OTOGL: variants seen among roughly 807,000 people sequenced by gnomAD.
OTOGL encodes otogelin-like protein.
Under a neutral mutation model 318.5 loss-of-function variants are expected in OTOGL, and 285 were observed. That is an observed-to-expected ratio of 0.89 (90% CI 0.81 to 0.99). The LOEUF (loss-of-function observed/expected upper bound fraction) is 0.99, where lower values mean the gene tolerates loss of function less well. Among genes scored for constraint, OTOGL ranks in the 50% least tolerant of loss-of-function variants. The pLI, the probability that OTOGL is intolerant of heterozygous loss-of-function variation, is 0.00. For missense variants in OTOGL, 2,899 were observed against 2,845.6 expected (o/e 1.02, Z -0.43); for synonymous variants, 987 against 936.5 (o/e 1.05, Z -0.99).
At chr12:80,229,175 G>T in intron 7 of OTOGL, 82 bp from the exon 8 acceptor site, 1 of 1,452,262 alleles carries the variant, frequency 6.9e-7, no homozygotes, top group South Asian at 1.2e-5. Flanking sequence ...GAAACTATAT[G>T]ATTGTAAACA....
chr12:80,161,455 TTAAAC>T (rs1252652865), intron 1 of OTOGL, among the ~76,000 whole-genome samples: 7 of 152,074 alleles, frequency 4.6e-5, no homozygotes, highest in South Asian at 2.1e-4. Context: ...TAAAAGAACA[TTAAAC>T]TAAGTAGGCT....
chr12:80,163,594 T>G (rs73148400), intron 1 of OTOGL, among the ~76,000 whole-genome samples: 10,597 of 152,154 alleles, frequency 0.07, 427 homozygotes, highest in East Asian at 0.19. Flanking sequence ...GCAGGTCAAT[T>G]AAGGATTGGC....
At chr12:80,214,800 A>G (rs1877559742) in intron 4 of OTOGL, among the ~76,000 whole-genome samples, 1 of 152,174 alleles carries the variant, frequency 6.6e-6, no homozygotes, top group Non-Finnish European at 1.5e-5. Flanking sequence ...GGTTCATTGA[A>G]TCCAAGACAA....
chr12:80,260,205 T>A (rs777909042), intron 18 of OTOGL, among the ~76,000 whole-genome samples: 6 of 152,112 alleles, frequency 3.9e-5, no homozygotes, highest in Non-Finnish European at 7.4e-5. Flanking sequence ...ATTTAAAAAA[T>A]TTTAATTTCT....
intron 26 of OTOGL, among the ~76,000 whole-genome samples, chr12:80,280,264 A>G (rs1884127219): frequency 6.6e-6 from 1 of 150,946 alleles, no homozygotes; most frequent in Admixed American, 6.6e-5. Flanking sequence ...TATTTTGTGG[A>G]CATTTCTTTG....
intron 11 of OTOGL, among the ~76,000 whole-genome samples, chr12:80,244,106 G>A (rs1247097713): frequency 3.3e-5 from 5 of 150,980 alleles, no homozygotes; most frequent in Non-Finnish European, 1.5e-5. Flanking sequence ...ATGCTAGTCT[G>A]TGCCACTAAT....
Position 80,330,720 on chromosome 12 carries a change from C to G in OTOGL, c.4348+1601C>G, listed in dbSNP as rs1414148248. On this transcript the variant is annotated intron_variant, in intron 37 of 58. Transcript: ENST00000547103. The stretch of plus-strand genomic sequence containing the variant: ...TATTTCTATTTGCAGATGTCATGAT[C>G]TTAGGTTATTCTAAGGGATCTACTG... Among the ~76,000 whole-genome samples, 4 of 152,126 alleles carry G rather than the reference C, an allele frequency of 2.6e-5. No homozygotes were observed. The East Asian group carries it at 7.7e-4, about 29-fold the overall frequency.
intron 52 of OTOGL, among the ~76,000 whole-genome samples, chr12:80,361,496 C>G (rs1037444889): frequency 6.6e-6 from 1 of 152,186 alleles, no homozygotes; most frequent in Non-Finnish European, 1.5e-5. Flanking sequence ...TGGATATATA[C>G]CCAGTAGTGG....
intron 24 of OTOGL, among the ~76,000 whole-genome samples, chr12:80,272,367 T>C (rs1456980106): frequency 6.6e-6 from 1 of 151,540 alleles, no homozygotes; most frequent in Non-Finnish European, 1.5e-5. Context: ...TGTGTGTGTG[T>C]GTGTGTGTGT....
intron 1 of OTOGL, chr12:80,132,611 A>G (rs79113566): frequency 1.3e-5 from 2 of 151,816 alleles, no homozygotes; most frequent in South Asian, 2.1e-4. Flanking sequence ...TGGAGTCTCA[A>G]TGAAGGTATT....
chr12:80,313,126 A>T (rs1006636807), intron 30 of OTOGL, among the ~76,000 whole-genome samples: 1 of 152,228 alleles, frequency 6.6e-6, no homozygotes, highest in Non-Finnish European at 1.5e-5. Flanking sequence ...AAAGATACGA[A>T]ATTATATAAA....
intron 29 of OTOGL, among the ~76,000 whole-genome samples, chr12:80,310,248 T>C (rs1886541622): frequency 6.6e-6 from 1 of 152,140 alleles, no homozygotes; most frequent in African/African-American, 2.4e-5. Flanking sequence ...CTGCAGAGAC[T>C]TGGGTGCATA....
intron 11 of OTOGL, among the ~76,000 whole-genome samples, chr12:80,240,591 T>C (rs1880288946): frequency 6.6e-6 from 1 of 151,962 alleles, no homozygotes; most frequent in Non-Finnish European, 1.5e-5. Context: ...AATGAAAATA[T>C]AAAAATATGA....
chr12:80,313,185 C>T lies in OTOGL; in HGVS notation c.3451-291C>T, dbSNP rs557837545. Among the ~76,000 whole-genome samples the T allele has an allele frequency of 8.7e-4, 132 of 152,238 alleles. 1 individual carries two copies. The highest frequency in any genetic ancestry group is 3.1e-3 in the African/African-American group (130 of 41,546). ...CCCTTATTTTAATGTCATGTGATTA[C>T]ATCAATAATGACAGAAGCTTCCAAA... On this transcript the variant is annotated intron_variant, in intron 30 of 58. Coordinates refer to ENST00000547103, the MANE Select transcript of OTOGL (RefSeq NM_001378609.3).
At chr12:80,364,174 A>T (rs1890393080) in intron 52 of OTOGL, among the ~76,000 whole-genome samples, 1 of 152,150 alleles carries the variant, frequency 6.6e-6, no homozygotes, top group South Asian at 2.1e-4. Context: ...TGAACATCTT[A>T]CCCAAATATA....
At chr12:80,252,228 C>G (rs751844752) in intron 13 of OTOGL, 27 bp downstream of exon 13, 4 of 1,585,956 alleles carry the variant, frequency 2.5e-6, no homozygotes, top group Non-Finnish European at 3.4e-6. Context: ...GAAACCATGT[C>G]TGCACTCATG....
chr12:80,356,784 C>G (rs367691688), intron 48 of OTOGL, 23 bp from the exon 49 acceptor site: 21 of 1,455,392 alleles, frequency 1.4e-5, no homozygotes, highest in Non-Finnish European at 1.9e-5. Flanking sequence ...TACAAATTTT[C>G]TAATGTAATT....
intron 1 of OTOGL, among the ~76,000 whole-genome samples, chr12:80,160,355 A>G (rs374815037): frequency 6.6e-6 from 1 of 152,284 alleles, no homozygotes; most frequent in East Asian, 1.9e-4. Context: ...ACAAAGGACT[A>G]ATATCCAGAA....
intron 1 of OTOGL, among the ~76,000 whole-genome samples, chr12:80,142,116 C>T (rs1565875743): frequency 1.3e-5 from 2 of 152,174 alleles, no homozygotes; most frequent in East Asian, 3.9e-4. Flanking sequence ...AGAGAGACTC[C>T]TGTGAAGGAG....
Sources: gnomAD v4.1 joint callset for allele counts (sites outside exome capture counted in the v4.1 genomes callset) on GRCh38, gnomAD v4.1.1 for gene constraint, MANE v1.5 for transcripts, NCBI Gene and HGNC (gene_info 2026-07-23, HGNC 2026-07-21) for gene names.